GMPR: variants seen among roughly 807,000 people sequenced by gnomAD.
The protein encoded by GMPR is GMP reductase 1.
In GMPR, 31 loss-of-function variants were observed where a neutral mutation model predicts 38.4. That is an observed-to-expected ratio of 0.81 (90% CI 0.61 to 1.09). GMPR has a LOEUF of 1.09. Among genes scored for constraint, GMPR ranks in the 50% least tolerant of loss-of-function variants. The pLI, the probability that GMPR is intolerant of heterozygous loss-of-function variation, is 0.00. For synonymous variants in GMPR, 162 were observed against 173.3 expected, an observed-to-expected ratio of 0.93 and a Z score of 0.51; for missense variants, 468 against 453.7, an observed-to-expected ratio of 1.03 and a Z score of -0.29.
At chr6:16,268,885 TTAAAA>T (rs1561829123) in intron 4 of GMPR, among the ~76,000 whole-genome samples, 2 of 151,322 alleles carry the variant, frequency 1.3e-5, no homozygotes, top group African/African-American at 2.4e-5. Context: ...TTACATAAAT[TTAAAA>T]TAAATATGAA....
At chr6:16,252,893 C>T (rs1260756039) in intron 3 of GMPR, among the ~76,000 whole-genome samples, 3 of 152,210 alleles carry the variant, frequency 2.0e-5, no homozygotes, top group African/African-American at 7.2e-5. Flanking sequence ...CATCAGCTCA[C>T]TCTCAGTCTC....
intron 7 of GMPR, 128 bp downstream of exon 7, chr6:16,285,963 C>A: frequency 1.3e-6 from 1 of 799,200 alleles, no homozygotes. Context: ...GGAGGTTCCT[C>A]TCCCTGGGTT....
chr6:16,249,069 C>T (rs1758813903), intron 2 of GMPR, among the ~76,000 whole-genome samples: 1 of 151,942 alleles, frequency 6.6e-6, no homozygotes, highest in Non-Finnish European at 1.5e-5. Context: ...AGGTGGGAGG[C>T]TTCTGTTAAA....
intron 4 of GMPR, chr6:16,263,368 T>C (rs932427822): frequency 1.3e-5 from 2 of 151,778 alleles, no homozygotes; most frequent in African/African-American, 4.8e-5. Flanking sequence ...CAGAAGAAAA[T>C]AAGATGCTTA....
chr6:16,241,327 A>G (rs961187149), intron 1 of GMPR, among the ~76,000 whole-genome samples: 3 of 152,200 alleles, frequency 2.0e-5, no homozygotes, highest in Non-Finnish European at 2.9e-5. Context: ...TCATCAGGCT[A>G]TAGCAGGAAA....
chr6:16,260,239 G>A (rs1479080731), intron 4 of GMPR, among the ~76,000 whole-genome samples: 1 of 151,964 alleles, frequency 6.6e-6, no homozygotes, highest in African/African-American at 2.4e-5. Flanking sequence ...GAAGACTGAG[G>A]ACCGTAAGGG....
rs770034068 is a variant in GMPR at position 16,238,798 on chromosome 6, G to A, written c.87+18G>A. 83 of 1,399,556 alleles carry A rather than the reference G, an allele frequency of 5.9e-5. No individual in the cohort carries two copies. The African/African-American group carries it at 1.1e-3, about 18-fold the overall frequency. The allele number at this position is 1,399,556 out of a possible 1,614,324, so 86.7% of individuals were successfully genotyped here. A position where few individuals can be genotyped will look rare whatever the true frequency, so the allele number is the denominator to read the frequency against. ...GAGCCGAGGTGGGGGACGTTCGGAA[G>A]TCGCAGTGGGGTGGGATTTTTTTTT... On this transcript the variant is annotated intron_variant, in intron 1 of 8. Coordinates refer to ENST00000259727, the MANE Select transcript of GMPR (RefSeq NM_006877.4).
At chr6:16,241,823 C>A (rs937497148) in intron 1 of GMPR, among the ~76,000 whole-genome samples, 2 of 152,134 alleles carry the variant, frequency 1.3e-5, no homozygotes, top group Admixed American at 6.6e-5. Context: ...CTCGCTGCAA[C>A]CTCCGCCTCC....
At chr6:16,251,677 G>T (rs1035395381) in intron 3 of GMPR, among the ~76,000 whole-genome samples, 1 of 152,178 alleles carries the variant, frequency 6.6e-6, no homozygotes, top group Non-Finnish European at 1.5e-5. Flanking sequence ...TGGCCTGAGG[G>T]GCTGAGGAAG....
intron 4 of GMPR, among the ~76,000 whole-genome samples, chr6:16,270,776 A>G (rs1445938742): frequency 6.6e-6 from 1 of 152,230 alleles, no homozygotes; most frequent in Non-Finnish European, 1.5e-5. Context: ...AGACAGTAGC[A>G]GTGACCACAT....
At position 16,249,320 on chromosome 6, in the gene GMPR, T is replaced by C. The variant is rs906344353; in HGVS notation, c.208-964T>C. On this transcript the variant is annotated intron_variant, in intron 2 of 8. Coordinates refer to ENST00000259727, the MANE Select transcript of GMPR (RefSeq NM_006877.4). ...CCTGAGTAGCTGGGATTACAGGTGC[T>C]CTACCATGCCCGGCTAATTTTTTGT... Among the ~76,000 whole-genome samples, 30 of 151,742 alleles carry C rather than the reference T, an allele frequency of 2.0e-4. 2 individuals carry two copies. In the South Asian group the frequency reaches 2.7e-3, roughly 14 times the overall value.
rs911972936 is a variant in GMPR, at chr6:16,250,269, T to A, written c.208-15T>A. 2.9e-5 allele frequency: 43 copies of A among 1,475,090 alleles called. No homozygotes were observed. The highest frequency in any genetic ancestry group is 3.6e-5 in the Non-Finnish European group (38 of 1,053,014). The allele number at this position is 1,475,090 out of a possible 1,614,324, so 91.4% of individuals were successfully genotyped here. A position where few individuals can be genotyped will look rare whatever the true frequency, so the allele number is the denominator to read the frequency against. On this transcript the variant is annotated splice_polypyrimidine_tract_variant and intron_variant, in intron 2 of 8. Transcript: ENST00000259727. ...ACTTGGCTTCCCATCCTAATGGTGCTGTTTTGTTTTCTAGCACTCCATGTT... is the reference window on the plus strand; with the variant it reads ...ACTTGGCTTCCCATCCTAATGGTGCAGTTTTGTTTTCTAGCACTCCATGTT...
intron 4 of GMPR, chr6:16,263,371 G>A (rs1206638956): frequency 1.6e-4 from 24 of 151,922 alleles, no homozygotes. Context: ...AAGAAAATAA[G>A]ATGCTTAGAT....
intron 7 of GMPR, among the ~76,000 whole-genome samples, chr6:16,287,159 A>G (rs1374322720): frequency 6.6e-6 from 1 of 152,238 alleles, no homozygotes; most frequent in East Asian, 1.9e-4. Context: ...ACAAGGTCAC[A>G]GCCCTACAAT....
At position 16,254,707 on chromosome 6, in the gene GMPR, G is replaced by A. The variant is rs375604923; in HGVS notation, c.437G>A (p.Arg146His). ...TTTGTGGAATTCGTGAAACTTGTCC[G>A]TGCCAAATTTCCTGAACACACCATT... Reference protein sequence around the residue: ...EHFVEFVKLVRAKFPEHTIMA... With the variant: ...EHFVEFVKLVHAKFPEHTIMA... Residue 146 changes from arginine to histidine, a missense_variant, in exon 4 of 9, where the codon CGT becomes CAT. Transcript: ENST00000259727. 5.1e-5 allele frequency: 82 copies of A among 1,613,476 alleles called. No individual in the cohort carries two copies. The highest frequency in any genetic ancestry group is 5.8e-5 in the Non-Finnish European group (68 of 1,179,526).
chr6:16,249,287 C>T (rs1012509971), intron 2 of GMPR, among the ~76,000 whole-genome samples: 2 of 151,264 alleles, frequency 1.3e-5, no homozygotes, highest in Non-Finnish European at 2.9e-5. Flanking sequence ...ATTCTCCTGC[C>T]TCAGCCTCCT....
At chr6:16,255,797 A>G (rs1251587985) in intron 4 of GMPR, among the ~76,000 whole-genome samples, 1 of 152,174 alleles carries the variant, frequency 6.6e-6, no homozygotes, top group Non-Finnish European at 1.5e-5. Context: ...GTTTCTTCTC[A>G]TATATGTTAT....
chr6:16,279,263 G>C (rs920461504), intron 6 of GMPR, among the ~76,000 whole-genome samples: 3 of 152,226 alleles, frequency 2.0e-5, no homozygotes, highest in East Asian at 1.9e-4. Flanking sequence ...CAGGGTGTTG[G>C]GGGGGGCATG....
At chr6:16,294,905 C>T (rs1759908129) in intron 8 of GMPR, 101 bp from the exon 9 acceptor site, 6 of 914,348 alleles carry the variant, frequency 6.6e-6, no homozygotes, top group East Asian at 2.6e-5. Context: ...TTCTGAGTGC[C>T]TTGGGGGCTA....
Sources: gnomAD v4.1 joint callset for allele counts (sites outside exome capture counted in the v4.1 genomes callset) on GRCh38, gnomAD v4.1.1 for gene constraint, MANE v1.5 for transcripts, NCBI Gene and HGNC (gene_info 2026-07-23, HGNC 2026-07-21) for gene names.